Variants in ADAMTSL1 observed in about 807,000 individuals in gnomAD.
The protein encoded by ADAMTSL1 is ADAMTS-like protein 1.
ADAMTSL1 carries 126 observed loss-of-function variants against 201.8 expected under a neutral mutation model. The observed-to-expected ratio is 0.62, with a 90% confidence interval of 0.54 to 0.72. The LOEUF (loss-of-function observed/expected upper bound fraction) is 0.72. ADAMTSL1 is among the 30% of genes least tolerant of loss of function. The pLI is 0.00. For synonymous variants in ADAMTSL1, 1,121 were observed against 903.4 expected (o/e 1.24, Z -4.32); for missense variants, 2,679 against 2,277.8 (o/e 1.18, Z -3.59).
intron 2 of ADAMTSL1, among the ~76,000 whole-genome samples, chr9:18,249,407 T>G (rs1831380669): frequency 6.6e-6 from 1 of 152,170 alleles, no homozygotes; most frequent in Admixed American, 6.5e-5. Context: ...TACAAAATAC[T>G]TCAAACCTAC....
chr9:18,561,160 T>C (rs1270958718), intron 3 of ADAMTSL1, among the ~76,000 whole-genome samples: 2 of 152,210 alleles, frequency 1.3e-5, no homozygotes, highest in Non-Finnish European at 2.9e-5. Context: ...CTTTCTCCTG[T>C]GGGCATTTAG....
intron 2 of ADAMTSL1, among the ~76,000 whole-genome samples, chr9:18,506,933 A>T (rs1391851570): frequency 6.6e-6 from 1 of 152,168 alleles, no homozygotes; most frequent in Admixed American, 6.5e-5. Context: ...TTTCTTAAAA[A>T]CCAGTGCTTA....
At chr9:18,287,655 A>AT (rs200724200) in intron 2 of ADAMTSL1, among the ~76,000 whole-genome samples, 9 of 142,644 alleles carry the variant, frequency 6.3e-5, no homozygotes, top group Admixed American at 5.0e-4. Context: ...GTATACATAT[A>AT]CACATATATG....
intron 2 of ADAMTSL1, among the ~76,000 whole-genome samples, chr9:18,202,006 A>G (rs1247564887): frequency 1.3e-5 from 2 of 152,182 alleles, no homozygotes; most frequent in Middle Eastern, 3.2e-3. Context: ...ATTTTATAAG[A>G]GAATAATTCA....
chr9:18,729,873 T>C (rs1268438252), intron 15 of ADAMTSL1, among the ~76,000 whole-genome samples: 1 of 152,192 alleles, frequency 6.6e-6, no homozygotes, highest in East Asian at 1.9e-4. Context: ...GTACCAGTTA[T>C]CAACCTCATT....
chr9:18,461,579 C>T (rs536306596), intron 2 of ADAMTSL1, among the ~76,000 whole-genome samples: 1 of 151,926 alleles, frequency 6.6e-6, no homozygotes, highest in Non-Finnish European at 1.5e-5. Context: ...TTTAATCTAC[C>T]TAACCTCTTG....
At chr9:18,570,920 C>CAT (rs1199713805) in intron 3 of ADAMTSL1, among the ~76,000 whole-genome samples, 1 of 152,184 alleles carries the variant, frequency 6.6e-6, no homozygotes, top group Non-Finnish European at 1.5e-5. Flanking sequence ...TTCCTGAAGC[C>CAT]ATTAGATACA....
At chr9:18,116,041 G>T (rs1221624347) in intron 1 of ADAMTSL1, among the ~76,000 whole-genome samples, 1 of 152,094 alleles carries the variant, frequency 6.6e-6, no homozygotes, top group East Asian at 1.9e-4. Context: ...ACCATGTCAT[G>T]CCAGCACTAT....
At chr9:18,697,916 AG>A (rs1831655722) in intron 13 of ADAMTSL1, among the ~76,000 whole-genome samples, 1 of 152,240 alleles carries the variant, frequency 6.6e-6, no homozygotes, top group Non-Finnish European at 1.5e-5. Context: ...AATGTCAAGA[AG>A]GAAAAAATAG....
chr9:18,541,839 C>G (rs1018036892), intron 3 of ADAMTSL1, among the ~76,000 whole-genome samples: 1 of 152,200 alleles, frequency 6.6e-6, no homozygotes, highest in Non-Finnish European at 1.5e-5. Flanking sequence ...GTGATATGCT[C>G]ATAGCATGGA....
At chr9:18,694,841 T>C (rs1042397180) in intron 13 of ADAMTSL1, among the ~76,000 whole-genome samples, 4 of 152,240 alleles carry the variant, frequency 2.6e-5, no homozygotes, top group Non-Finnish European at 5.9e-5. Context: ...CATACTGTTC[T>C]AGTAGAGGTT....
At chr9:18,896,455 A>T (rs1279499636) in intron 26 of ADAMTSL1, among the ~76,000 whole-genome samples, 1 of 151,982 alleles carries the variant, frequency 6.6e-6, no homozygotes, top group Admixed American at 6.6e-5. Flanking sequence ...ATGGCTGATT[A>T]GAAGCAGCTG....
intron 5 of ADAMTSL1, among the ~76,000 whole-genome samples, chr9:18,631,147 A>G (rs948919935): frequency 6.6e-6 from 1 of 152,206 alleles, no homozygotes. Flanking sequence ...AATCAATGAA[A>G]TAGGGTATTT....
chr9:18,592,045 C>T (rs750495138), intron 4 of ADAMTSL1, among the ~76,000 whole-genome samples: 16 of 152,188 alleles, frequency 1.1e-4, no homozygotes, highest in South Asian at 2.1e-4. Context: ...TAACCAATGC[C>T]GGCTGCAGGT....
At chr9:18,264,570 G>A (rs1284462688) in intron 2 of ADAMTSL1, among the ~76,000 whole-genome samples, 1 of 152,120 alleles carries the variant, frequency 6.6e-6, no homozygotes, top group Non-Finnish European at 1.5e-5. Context: ...AGGACCCCAA[G>A]GAAGCTGAAT....
chr9:18,622,184 T>C, intron 4 of ADAMTSL1, 59 bp from the exon 5 acceptor site: 2 of 1,589,196 alleles, frequency 1.3e-6, no homozygotes, highest in Non-Finnish European at 1.7e-6. Flanking sequence ...ATTGGCCTCA[T>C]AATGGATTTT....
intron 1 of ADAMTSL1, among the ~76,000 whole-genome samples, chr9:18,124,043 GA>G (rs1825619550): frequency 1.4e-5 from 2 of 143,752 alleles, no homozygotes; most frequent in Non-Finnish European, 3.0e-5. Context: ...AATGATTAAT[GA>G]TGTTGAGTAT....
At chr9:18,810,192 G>A (rs1470188102) in intron 20 of ADAMTSL1, among the ~76,000 whole-genome samples, 1 of 152,172 alleles carries the variant, frequency 6.6e-6, no homozygotes, top group Admixed American at 6.5e-5. Context: ...TCACTCATCA[G>A]ATGATACATA....
chr9:18,088,610 A>G (rs1043122434), intron 1 of ADAMTSL1, among the ~76,000 whole-genome samples: 4 of 152,250 alleles, frequency 2.6e-5, no homozygotes, highest in African/African-American at 9.6e-5. Context: ...CAAATGATCA[A>G]CAGGTATATG....
Sources: gnomAD v4.1 joint callset for allele counts (sites outside exome capture counted in the v4.1 genomes callset) on GRCh38, gnomAD v4.1.1 for gene constraint, MANE v1.5 for transcripts, NCBI Gene and HGNC (gene_info 2026-07-23, HGNC 2026-07-21) for gene names.